The following ZFP64 variants were observed in gnomAD, a reference collection of about 807,000 sequenced individuals.
The protein encoded by ZFP64 is ZFP64 zinc finger protein, also known as zinc finger protein 64.
In ZFP64, 14 loss-of-function variants were observed where a neutral mutation model predicts 51.6. That is an observed-to-expected ratio of 0.27 (90% CI 0.18 to 0.42). The LOEUF is 0.42. Among genes scored for constraint, ZFP64 ranks in the 10% least tolerant of loss-of-function variants. The pLI, the probability that ZFP64 is intolerant of heterozygous loss-of-function variation, is 1.00. For synonymous variants in ZFP64, 375 were observed against 361.4 expected (o/e 1.04, Z -0.43); for missense variants, 754 against 906.8 (o/e 0.83, Z 2.16).
Position 52,153,106 on chromosome 20 carries a change from C to T in ZFP64, c.1086G>A (p.Glu362=), listed in dbSNP as rs919618763. 6.2e-6 allele frequency: 10 copies of T among 1,614,236 alleles called. No individual in the cohort carries two copies. Among genetic ancestry groups the T allele is most frequent in the Admixed American group, 5.0e-5 (3 of 60,030 alleles). ...CSSKAALRIH[E]RIHCTDRPFK... ...AAGGGCGGTCGGTGCAGTGGATACG[C>T]TCGTGGATGCGCAGGGCGGCCTTGC... The change falls in exon 6 of 6, where the codon GAG becomes GAA. Residue 362 remains glutamate, a synonymous_variant. Transcript: ENST00000216923. The surrounding 1 kb of genome is among the most constrained non-coding windows in gnomAD (Gnocchi z 5.1).
In ZFP64 at chr20:52,085,421, G is replaced by A. The variant is rs946900278; in HGVS notation, c.1229-155C>T. On this transcript the variant is annotated intron_variant, in intron 8 of 8. Transcript: ENST00000361387. This position sits in a 1 kb window ranked among gnomAD's most constrained non-coding sequence, Gnocchi z 4.3. ...GACAACACTTGTTGTGCATATTAAT[G>A]CAATCCTCACAACAATCCTATGAGT... 6.6e-6 allele frequency among the ~76,000 whole-genome samples: 1 copy of A among 152,162 alleles called. No homozygotes were observed. The highest frequency in any genetic ancestry group is 2.4e-5 in the African/African-American group (1 of 41,430).
intron 7 of ZFP64, among the ~76,000 whole-genome samples, chr20:52,090,604 G>C (rs746462574): frequency 1.3e-5 from 2 of 151,986 alleles, no homozygotes; most frequent in African/African-American, 2.4e-5. Flanking sequence ...TTCGAGACCA[G>C]CCTGGCCAAC....
chr20:52,142,695 C>T (rs1980333926), intron 5 of ZFP64, among the ~76,000 whole-genome samples: 1 of 144,202 alleles, frequency 6.9e-6, no homozygotes, highest in African/African-American at 2.5e-5. Context: ...TAAAAATTAG[C>T]TGGGTGTGGT....
Position 52,191,583 on chromosome 20 carries a change from G to T in ZFP64, c.46+8C>A. ...CGGAGCGCGCACTGCTCCCGGAAAA[G>T]CACTTACTTTGCACCGAGCCCGCGA... On this transcript the variant is annotated splice_region_variant and intron_variant, in intron 1 of 5. Transcript: ENST00000216923. This position sits in a 1 kb window ranked among gnomAD's most constrained non-coding sequence, Gnocchi z 4.3. The T allele has an allele frequency of 1.9e-6, 3 of 1,578,428 alleles. No homozygotes were observed. The highest frequency in any genetic ancestry group is 2.6e-6 in the Non-Finnish European group (3 of 1,165,988).
In ZFP64 at chr20:52,153,058, G is replaced by C; in HGVS notation, c.1134C>G (p.Phe378Leu). The change falls in exon 6 of 6, where the codon TTC becomes TTG. Residue 378 changes from phenylalanine to leucine, a missense_variant. Transcript: ENST00000216923. The surrounding 1 kb of genome is among the most constrained non-coding windows in gnomAD (Gnocchi z 5.1). ...DRPFKCNYCSFDTKQPSNLSK... is the reference protein window; with the variant it reads ...DRPFKCNYCSLDTKQPSNLSK... The stretch of plus-strand genomic sequence containing the variant: ...TCAGGTTGCTGGGCTGTTTGGTGTC[G>C]AAGCTGCAGTAGTTGCACTTGAAAG... The C allele has an allele frequency of 6.2e-7, 1 of 1,614,170 alleles. No homozygotes were observed.
chr20:52,190,545 C>G (rs756381138), intron 1 of ZFP64, among the ~76,000 whole-genome samples: 4 of 152,078 alleles, frequency 2.6e-5, no homozygotes, highest in Non-Finnish European at 5.9e-5. Context: ...CACAGTCCCC[C>G]CTCCCCGCCA....
intron 5 of ZFP64, among the ~76,000 whole-genome samples, chr20:52,132,062 A>T (rs781210633): frequency 4.6e-5 from 7 of 152,202 alleles, no homozygotes; most frequent in Non-Finnish European, 8.8e-5. Flanking sequence ...AATTAATAAC[A>T]AGAGGAATTT....
At chr20:52,177,757 G>T (rs982651082) in intron 2 of ZFP64, among the ~76,000 whole-genome samples, 2 of 152,222 alleles carry the variant, frequency 1.3e-5, no homozygotes, top group Non-Finnish European at 2.9e-5. Context: ...CAGAGGCCGG[G>T]CGTGGTTGCT....
intron 5 of ZFP64, among the ~76,000 whole-genome samples, chr20:52,139,744 G>T (rs574930227): frequency 5.3e-5 from 8 of 152,040 alleles, no homozygotes; most frequent in Non-Finnish European, 1.2e-4. Context: ...CCAAAACCCA[G>T]TAACATCAGA....
At chr20:52,098,025 C>T (rs888536816) in intron 6 of ZFP64, among the ~76,000 whole-genome samples, 43 of 151,996 alleles carry the variant, frequency 2.8e-4, no homozygotes, top group African/African-American at 9.7e-4. Context: ...GTTATGATCA[C>T]ACCACTATAC....
chr20:52,189,830 T>C (rs1984246907), intron 1 of ZFP64, among the ~76,000 whole-genome samples: 1 of 152,134 alleles, frequency 6.6e-6, no homozygotes, highest in Admixed American at 6.5e-5. Context: ...TCTTCATATA[T>C]ATATGATTAT....
intron 5 of ZFP64, among the ~76,000 whole-genome samples, chr20:52,119,345 G>A (rs1011205697): frequency 2.7e-5 from 4 of 150,600 alleles, no homozygotes; most frequent in Non-Finnish European, 5.9e-5. Context: ...TCGAAACCCC[G>A]ACTCTACTAA....
intron 5 of ZFP64, among the ~76,000 whole-genome samples, chr20:52,158,517 G>C (rs1286450224): frequency 6.6e-6 from 1 of 152,062 alleles, no homozygotes; most frequent in Non-Finnish European, 1.5e-5. Flanking sequence ...ACCAGGCTGG[G>C]CAACATGGTG....
At chr20:52,088,998 C>T in intron 7 of ZFP64, 1 of 528,156 alleles carries the variant, frequency 1.9e-6, no homozygotes, top group Non-Finnish European at 3.8e-6. Context: ...GTCAGGTGGA[C>T]CCCTTCCTCT....
intron 5 of ZFP64, among the ~76,000 whole-genome samples, chr20:52,114,320 T>C (rs1441003230): frequency 1.3e-5 from 2 of 152,216 alleles, no homozygotes; most frequent in Non-Finnish European, 2.9e-5. Flanking sequence ...AGAAGTCACC[T>C]GGGGATCTTG....
chr20:52,148,327 G>A (rs1980622918), downstream of ZFP64, among the ~76,000 whole-genome samples: 1 of 152,148 alleles, frequency 6.6e-6, no homozygotes, highest in Non-Finnish European at 1.5e-5. Context: ...TCTACACGAT[G>A]GCTTAAATTA....
chr20:52,119,533 AATAT>A (rs71192595), intron 5 of ZFP64, among the ~76,000 whole-genome samples: 126 of 89,830 alleles, frequency 1.4e-3, no homozygotes, highest in Non-Finnish European at 2.0e-3. Context: ...AAAAAAAAAA[AATAT>A]ATATATATAT....
intron 2 of ZFP64, among the ~76,000 whole-genome samples, chr20:52,185,549 T>C (rs912781075): frequency 3.9e-5 from 4 of 103,066 alleles, no homozygotes; most frequent in Admixed American, 2.0e-4. Context: ...ACCTCCCCTG[T>C]AAATCATCCA....
chr20:52,165,764 A>G (rs6021771), intron 3 of ZFP64, 100 bp downstream of exon 3: 792,128 of 1,498,176 alleles, frequency 0.53, 212,014 homozygotes, highest in Admixed American at 0.68. Context: ...GTAGTTTGGA[A>G]CACATCCATG....
Sources: gnomAD v4.1 joint callset for allele counts (sites outside exome capture counted in the v4.1 genomes callset) on GRCh38, gnomAD v4.1.1 for gene constraint, Gnocchi (gnomAD v3.1) non-coding constraint, MANE v1.5 for transcripts, NCBI Gene and HGNC (gene_info 2026-07-23, HGNC 2026-07-21) for gene names.